Variants in DOCK11 observed in about 807,000 individuals in gnomAD.
DOCK11 encodes dedicator of cytokinesis protein 11.
In DOCK11, 70 loss-of-function variants were observed where a neutral mutation model predicts 169.1. The observed-to-expected ratio is 0.41, with a 90% CI of 0.34 to 0.51. The LOEUF (loss-of-function observed/expected upper bound fraction) is 0.51, where lower values mean the gene tolerates loss of function less well. Ranked by LOEUF, DOCK11 falls within the 20% of genes least tolerant of loss-of-function variation. The pLI is 0.10. For synonymous variants in DOCK11, 529 were observed against 541.3 expected (o/e 0.98, Z 0.32); for missense variants, 1,166 against 1,538.8 (o/e 0.76, Z 4.05).
At chrX:118,549,246 G>T (rs944758973) in intron 6 of DOCK11, among the ~76,000 whole-genome samples, 10 of 109,441 alleles carry the variant, frequency 9.1e-5, no homozygotes, top group African/African-American at 3.4e-4. Flanking sequence ...CCGGGTTTAA[G>T]CCATTCTCCT....
In DOCK11 at chrX:118,641,226, C is replaced by T; in HGVS notation, c.4181C>T (p.Ala1394Val). 1 of 1,209,813 alleles carries T rather than the reference C, an allele frequency of 8.3e-7. No individual in the cohort carries two copies. Residue 1394 changes from alanine to valine, a missense_variant, in exon 39 of 53, where the codon GCA (alanine) becomes GTA (valine). Ala to Val is a moderately conservative substitution (Grantham distance 64). Coordinates refer to ENST00000276202, the MANE Select transcript of DOCK11 (RefSeq NM_144658.4). ...ACTGAAGCAGACATTTTCCACCAGG[C>T]ACTTCTTGAAGGCAATACAGCTACT... is the stretch of plus-strand genomic sequence containing the variant. The part of the protein sequence containing the change: ...TTTEADIFHQ[A>V]LLEGNTATEV...
rs764378794 is a variant in DOCK11 at position 118,592,871 on chromosome X, G to C, written c.2140-343G>C. 6.2e-5 allele frequency among the ~76,000 whole-genome samples: 7 copies of C among 112,653 alleles called. No homozygotes were observed. In the South Asian group the frequency reaches 2.5e-3, roughly 40 times the overall value. The stretch of plus-strand genomic sequence containing the variant: ...CAGATTCAGTGTACATTTTAAATGG[G>C]TTGCATTCATTGATGCAGATTGAGT... On this transcript the variant is annotated intron_variant, in intron 19 of 52. Transcript: ENST00000276202.
chrX:118,634,802 C>T (rs1341018603), intron 35 of DOCK11, among the ~76,000 whole-genome samples: 1 of 112,080 alleles, frequency 8.9e-6, no homozygotes, highest in Non-Finnish European at 1.9e-5. Context: ...GATCTCAGCT[C>T]ACTGCAACCT....
intron 47 of DOCK11, among the ~76,000 whole-genome samples, chrX:118,676,358 T>G (rs945780160): frequency 1.8e-5 from 2 of 111,828 alleles, no homozygotes; most frequent in African/African-American, 6.5e-5. Flanking sequence ...AAACCTAGTT[T>G]GGAAATCTTC....
At chrX:118,627,678 A>G (rs2015143347) in intron 33 of DOCK11, 99 bp downstream of exon 33, 2 of 609,807 alleles carry the variant, frequency 3.3e-6, no homozygotes, top group Non-Finnish European at 5.3e-6. Context: ...AAGACCATAC[A>G]TAGCTTGATC....
At chrX:118,564,245 C>T (rs1394087397) in intron 7 of DOCK11, among the ~76,000 whole-genome samples, 2 of 112,414 alleles carry the variant, frequency 1.8e-5, no homozygotes, top group African/African-American at 3.2e-5. Context: ...TTTATGATAC[C>T]GCCTCCCAAA....
At chrX:118,630,164 A>G (rs1198989359) in intron 34 of DOCK11, among the ~76,000 whole-genome samples, 1 of 111,930 alleles carries the variant, frequency 8.9e-6, no homozygotes, top group Non-Finnish European at 1.9e-5. Context: ...ATTCATGGCT[A>G]TATCTTTGTG....
intron 52 of DOCK11, among the ~76,000 whole-genome samples, chrX:118,684,438 A>G (rs2016815717): frequency 9.5e-6 from 1 of 105,220 alleles, no homozygotes; most frequent in Non-Finnish European, 2.0e-5. Flanking sequence ...ACGCCTGGCT[A>G]ATTTTTTTGT....
intron 6 of DOCK11, 115 bp downstream of exon 6, chrX:118,546,231 A>AAAAAAAAAAAAC (rs2012276797): frequency 2.6e-6 from 1 of 383,183 alleles, no homozygotes; most frequent in Non-Finnish European, 4.2e-6. Flanking sequence ...AAAAAAAAAA[A>AAAAAAAAAAAAC]GGAGAGGATT....
chrX:118,648,239 T>C (rs1386724735), intron 40 of DOCK11, among the ~76,000 whole-genome samples: 5 of 84,392 alleles, frequency 5.9e-5, no homozygotes, highest in Admixed American at 3.6e-4. Context: ...AATATATATA[T>C]AAAAGTAATT....
chrX:118,542,283 G>A (rs953022359), intron 1 of DOCK11, among the ~76,000 whole-genome samples: 4 of 108,215 alleles, frequency 3.7e-5, no homozygotes, highest in Non-Finnish European at 7.7e-5. Flanking sequence ...TGATCCTCCT[G>A]CCTCAGCCTC....
At chrX:118,496,547 T>G (rs1192449529) in intron 1 of DOCK11, among the ~76,000 whole-genome samples, 3 of 112,145 alleles carry the variant, frequency 2.7e-5, no homozygotes, top group Non-Finnish European at 5.7e-5. Context: ...ACACACACTG[T>G]GTACACAAAA....
intron 36 of DOCK11, among the ~76,000 whole-genome samples, chrX:118,637,856 A>G (rs2015430303): frequency 8.9e-6 from 1 of 111,932 alleles, no homozygotes; most frequent in Admixed American, 9.5e-5. Context: ...ACCTGTCATT[A>G]AAATTGTATA....
At chrX:118,567,321 G>A (rs1603071286) in intron 9 of DOCK11, among the ~76,000 whole-genome samples, 1 of 108,424 alleles carries the variant, frequency 9.2e-6, no homozygotes, top group Non-Finnish European at 1.9e-5. Context: ...GGACAAATTA[G>A]TTACACAAAT....
intron 36 of DOCK11, among the ~76,000 whole-genome samples, chrX:118,637,365 G>A (rs781754854): frequency 1.1e-4 from 12 of 111,450 alleles, no homozygotes; most frequent in East Asian, 2.8e-4. Flanking sequence ...TTTTGTACGC[G>A]TTTGAAATTT....
chrX:118,510,396 TTAAATTCTTCA>T (rs1464606733), intron 1 of DOCK11, among the ~76,000 whole-genome samples: 24 of 112,537 alleles, frequency 2.1e-4, no homozygotes, highest in African/African-American at 7.4e-4. Flanking sequence ...ACATGTTTTC[TTAAATTCTTCA>T]TAACTAAATG....
chrX:118,505,545 A>G lies in DOCK11; in HGVS notation c.102+9472A>G, dbSNP rs748894234. Reference sequence around the variant, plus strand: ...TTGCTTTAATTCCTTGCTCCAGATGATGCCCCAAAGGGGTGAGCCACATGG... The same window carrying G: ...TTGCTTTAATTCCTTGCTCCAGATGGTGCCCCAAAGGGGTGAGCCACATGG... On this transcript the variant is annotated intron_variant, in intron 1 of 52. Coordinates refer to ENST00000276202, the MANE Select transcript of DOCK11 (RefSeq NM_144658.4). Among the ~76,000 whole-genome samples, 51 of 112,263 alleles carry G rather than the reference A, an allele frequency of 4.5e-4. No individual in the cohort carries two copies. The Admixed American group carries it at 4.8e-3, about 11-fold the overall frequency.
At chrX:118,551,744 C>A (rs1344615437) in intron 6 of DOCK11, among the ~76,000 whole-genome samples, 4 of 111,057 alleles carry the variant, frequency 3.6e-5, no homozygotes, top group Non-Finnish European at 7.5e-5. Flanking sequence ...TGAAATTATG[C>A]GCAACTTTAA....
At chrX:118,574,646 A>G (rs2013389162) in intron 12 of DOCK11, among the ~76,000 whole-genome samples, 1 of 111,873 alleles carries the variant, frequency 8.9e-6, no homozygotes, top group Non-Finnish European at 1.9e-5. Context: ...GCAAGGCAAT[A>G]AGTGCTTGAA....
Sources: gnomAD v4.1 joint callset for allele counts (sites outside exome capture counted in the v4.1 genomes callset) on GRCh38, gnomAD v4.1.1 for gene constraint, MANE v1.5 for transcripts, NCBI Gene and HGNC (gene_info 2026-07-23, HGNC 2026-07-21) for gene names.